Variants in RNGTT observed in about 807,000 individuals in gnomAD.
RNGTT encodes the protein mRNA-capping enzyme.
In RNGTT, 33 loss-of-function variants were observed where a neutral mutation model predicts 79.3. The observed-to-expected ratio is 0.42, with a 90% CI of 0.32 to 0.56. The LOEUF is 0.56. Among genes scored for constraint, RNGTT ranks in the 20% least tolerant of loss-of-function variants. The pLI is 0.17. For synonymous variants in RNGTT, 222 were observed against 235.9 expected, an observed-to-expected ratio of 0.94 and a Z score of 0.54; for missense variants, 497 against 739.1, an observed-to-expected ratio of 0.67 and a Z score of 3.80.
intron 14 of RNGTT, among the ~76,000 whole-genome samples, chr6:88,660,620 C>T (rs1214129114): frequency 1.3e-5 from 2 of 151,558 alleles, no homozygotes; most frequent in Non-Finnish European, 2.9e-5. Context: ...GAAAATATCA[C>T]AATCCTAAAT....
At chr6:88,703,347 C>G (rs1290701088) in intron 13 of RNGTT, among the ~76,000 whole-genome samples, 1 of 152,198 alleles carries the variant, frequency 6.6e-6, no homozygotes, top group East Asian at 1.9e-4. Context: ...GGTACACATA[C>G]ACCATGGAAT....
At chr6:88,642,477 G>A (rs1773359698) in intron 14 of RNGTT, among the ~76,000 whole-genome samples, 1 of 152,180 alleles carries the variant, frequency 6.6e-6, no homozygotes, top group African/African-American at 2.4e-5. Flanking sequence ...GATAACTGAA[G>A]TAAGTATATA....
At position 88,769,778 on chromosome 6, in the gene RNGTT, C is replaced by T. The variant is rs1349959105; in HGVS notation, c.1435G>A (p.Glu479Lys). The change falls in exon 13 of 16, where the codon GAA (glutamate) becomes AAA (lysine). Residue 479 changes from glutamate (E) to lysine (K), a missense_variant. Around this residue, in one of 3 missense-constraint regions of RNGTT, gnomAD observed 440 missense variants for 671.5 expected, o/e 0.66. Coordinates refer to ENST00000369485, the MANE Select transcript of RNGTT (RefSeq NM_003800.5). The stretch of plus-strand genomic sequence containing the variant: ...AGTACAAAAGTGCATACTTACCCTT[C>T]TCCTCCCATTCTTGTTATTTTTAGA... ...FRLKITRMGG[E>K]GLLPQNVGLL... The T allele has an allele frequency of 2.5e-6, 4 of 1,598,972 alleles. No homozygotes were observed. Among genetic ancestry groups the T allele is most frequent in the Non-Finnish European group, 3.4e-6 (4 of 1,166,994 alleles).
At chr6:88,758,163 AAGAG>A (rs1001930812) in intron 13 of RNGTT, among the ~76,000 whole-genome samples, 2 of 152,158 alleles carry the variant, frequency 1.3e-5, no homozygotes, top group Non-Finnish European at 2.9e-5. Context: ...CCCTCCTCGT[AAGAG>A]AGAGAAAAAC....
intron 12 of RNGTT, among the ~76,000 whole-genome samples, chr6:88,772,764 A>T (rs1201465532): frequency 6.6e-6 from 1 of 151,840 alleles, no homozygotes; most frequent in Non-Finnish European, 1.5e-5. Context: ...TCAAAACCAC[A>T]ATGAGATATC....
intron 14 of RNGTT, among the ~76,000 whole-genome samples, chr6:88,626,641 A>T (rs778463061): frequency 7.2e-5 from 11 of 152,130 alleles, no homozygotes; most frequent in Non-Finnish European, 1.6e-4. Flanking sequence ...TGCTATTCTA[A>T]TTGCAGCACA....
At chr6:88,845,473 A>T (rs1008805111) in intron 10 of RNGTT, among the ~76,000 whole-genome samples, 1 of 152,244 alleles carries the variant, frequency 6.6e-6, no homozygotes, top group Non-Finnish European at 1.5e-5. Flanking sequence ...TCTGGTTGAC[A>T]GTAACCATCC....
chr6:88,704,979 TA>T (rs570631160), intron 13 of RNGTT, among the ~76,000 whole-genome samples: 29 of 144,584 alleles, frequency 2.0e-4, no homozygotes, highest in African/African-American at 2.5e-4. Context: ...TGAAGAAACC[TA>T]AAAAAAAAAA....
chr6:88,671,748 A>T (rs934102437), intron 14 of RNGTT, among the ~76,000 whole-genome samples: 3 of 152,232 alleles, frequency 2.0e-5, no homozygotes, highest in African/African-American at 7.2e-5. Flanking sequence ...TCCTGGTATA[A>T]AAACAGGCAG....
At chr6:88,675,316 C>G (rs956619344) in intron 14 of RNGTT, among the ~76,000 whole-genome samples, 1 of 152,108 alleles carries the variant, frequency 6.6e-6, no homozygotes, top group African/African-American at 2.4e-5. Flanking sequence ...AATGCTTTCC[C>G]ACTAAGATAA....
chr6:88,921,006 C>T (rs1426110168), intron 4 of RNGTT, among the ~76,000 whole-genome samples: 1 of 152,152 alleles, frequency 6.6e-6, no homozygotes, highest in Non-Finnish European at 1.5e-5. Flanking sequence ...TATAGTATTA[C>T]TGTAGAGACA....
intron 12 of RNGTT, 25 bp downstream of exon 12, chr6:88,801,535 AACAC>A (rs143372586): frequency 6.5e-7 from 1 of 1,532,578 alleles, no homozygotes; most frequent in Non-Finnish European, 9.0e-7. Context: ...CACACAAACG[AACAC>A]ACACACACAG....
At chr6:88,719,899 A>T (rs1351979910) in intron 13 of RNGTT, among the ~76,000 whole-genome samples, 1 of 152,220 alleles carries the variant, frequency 6.6e-6, no homozygotes, top group Non-Finnish European at 1.5e-5. Context: ...ACAAAAAGCC[A>T]TTCGTGTTTA....
chr6:88,771,152 G>A (rs1425994302), intron 12 of RNGTT, among the ~76,000 whole-genome samples: 3 of 150,550 alleles, frequency 2.0e-5, no homozygotes, highest in Non-Finnish European at 4.4e-5. Flanking sequence ...TGCTTTTTGT[G>A]ACCTATTTAA....
At chr6:88,886,832 A>C (rs1410691312) in intron 8 of RNGTT, among the ~76,000 whole-genome samples, 1 of 152,098 alleles carries the variant, frequency 6.6e-6, no homozygotes, top group African/African-American at 2.4e-5. Flanking sequence ...AATAACTTTC[A>C]TATTTCTGTT....
intron 14 of RNGTT, among the ~76,000 whole-genome samples, chr6:88,622,792 C>T (rs1217856645): frequency 6.6e-6 from 1 of 152,078 alleles, no homozygotes; most frequent in Non-Finnish European, 1.5e-5. Flanking sequence ...ACCATCATTC[C>T]TCCCACCTGA....
At chr6:88,621,163 T>C (rs537670969) in intron 14 of RNGTT, among the ~76,000 whole-genome samples, 1 of 152,334 alleles carries the variant, frequency 6.6e-6, no homozygotes, top group Non-Finnish European at 1.5e-5. Flanking sequence ...TTTCTGATCC[T>C]ATCTCTAAAA....
intron 14 of RNGTT, among the ~76,000 whole-genome samples, chr6:88,644,335 G>A (rs1247264907): frequency 6.6e-6 from 1 of 152,010 alleles, no homozygotes; most frequent in Admixed American, 6.6e-5. Context: ...ACCAATAACA[G>A]GCTCTGAAAT....
intron 12 of RNGTT, among the ~76,000 whole-genome samples, chr6:88,782,258 T>C (rs939211924): frequency 6.6e-6 from 1 of 151,996 alleles, no homozygotes; most frequent in Non-Finnish European, 1.5e-5. Context: ...TTCTCATGGA[T>C]CACAAAACAG....
Sources: allele counts gnomAD v4.1 joint callset (sites outside exome capture counted in the v4.1 genomes callset), GRCh38; gene constraint gnomAD v4.1.1; regional missense constraint gnomAD v4.1.1; transcripts MANE v1.5; gene names NCBI Gene and HGNC (gene_info 2026-07-23, HGNC 2026-07-21).